Variants in SEPTIN6 observed in about 807,000 individuals in gnomAD.
SEPTIN6 encodes the protein septin-6.
SEPTIN6 carries 8 observed loss-of-function variants against 33.6 expected under a neutral mutation model. That is an observed-to-expected ratio of 0.24 (90% CI 0.14 to 0.43). SEPTIN6 has a LOEUF of 0.43. SEPTIN6 is among the 20% of genes least tolerant of loss of function. SEPTIN6 has a pLI of 1.00. For synonymous variants in SEPTIN6, 131 were observed against 140.0 expected (o/e 0.94, Z 0.45); for missense variants, 250 against 340.8 (o/e 0.73, Z 2.10).
chrX:119,652,027 G>A (rs2054359382), intron 4 of SEPTIN6, among the ~76,000 whole-genome samples: 1 of 112,072 alleles, frequency 8.9e-6, no homozygotes, highest in Admixed American at 9.5e-5. Context: ...AGGTTCAAGC[G>A]ATTCTCCTGC....
At chrX:119,671,724 G>A (rs1279742392) in intron 2 of SEPTIN6, among the ~76,000 whole-genome samples, 1 of 110,855 alleles carries the variant, frequency 9.0e-6, no homozygotes, top group Admixed American at 9.6e-5. Context: ...CTGTGATCAC[G>A]CCACAGCACT....
Position 119,663,541 on chromosome X carries a change from C to T in SEPTIN6, c.282G>A (p.Arg94=). ...CTGTGCTAACGATCGTGAGCTTTAG[C>T]CTCACGTTGCTCTCTTGGAGGTCAT... ...NTYDLQESNV[R]LKLTIVSTVG... is the part of the protein sequence containing the mutation. Residue 94 remains arginine (R), a synonymous_variant, in exon 3 of 11, where the codon AGG becomes AGA. Transcript: ENST00000394610. The T allele has an allele frequency of 8.4e-7, 1 of 1,194,483 alleles. No individual in the cohort carries two copies. The highest frequency in any genetic ancestry group is 1.1e-6 in the Non-Finnish European group (1 of 886,025).
chrX:119,652,920 G>A lies in SEPTIN6; in HGVS notation c.462C>T (p.Phe154=), dbSNP rs1006187321. Residue 154 remains phenylalanine, a synonymous_variant, in exon 4 of 11, where the codon TTC becomes TTT. Coordinates refer to ENST00000394610, the MANE Select transcript of SEPTIN6 (RefSeq NM_145799.4). The part of the protein sequence containing the change: ...HDSRIHVCLY[F]IAPTGHSLKS... ...TCAGGGAATGACCCGTGGGGGCAAT[G>A]AAATACAAGCAGACATGGATTCGGG... 6 of 1,207,764 alleles carry A rather than the reference G, an allele frequency of 5.0e-6. No homozygotes were observed. In the Admixed American group the frequency reaches 6.6e-5, roughly 13 times the overall value.
Position 119,618,741 on chromosome X carries a change from G to A in SEPTIN6, c.*1352C>T. The A allele has an allele frequency of 8.3e-7, 1 of 1,207,796 alleles. No homozygotes were observed. Among genetic ancestry groups the A allele is most frequent in the Middle Eastern group, 2.3e-4 (1 of 4,339 alleles). On this transcript the variant is annotated 3_prime_UTR_variant, in exon 11 of 11. Coordinates refer to ENST00000394610, the MANE Select transcript of SEPTIN6 (RefSeq NM_145799.4). ...GGCTTAAAAGGCTAAATGGAGTCCA[G>A]TCCAGCTGTAGCGGGGAATACTATT...
At chrX:119,628,998 G>T in intron 9 of SEPTIN6, 1 of 217,188 alleles carries the variant, frequency 4.6e-6, no homozygotes, top group Non-Finnish European at 8.4e-6. Flanking sequence ...CTTCCCTTCT[G>T]CTCTCTCACT....
At chrX:119,652,730 T>C (rs746202476) in intron 4 of SEPTIN6, 124 bp downstream of exon 4, 51 of 543,462 alleles carry the variant, frequency 9.4e-5, no homozygotes, top group Non-Finnish European at 1.4e-4. Flanking sequence ...ACCATCTTTA[T>C]GGAGGGACAG....
At chrX:119,624,300 C>T (rs12839548) in intron 10 of SEPTIN6, among the ~76,000 whole-genome samples, 1,331 of 107,910 alleles carry the variant, frequency 0.012, 26 homozygotes, top group African/African-American at 0.043. Context: ...CTCAGCCTCC[C>T]GAGTAGCTGG....
intron 5 of SEPTIN6, among the ~76,000 whole-genome samples, chrX:119,647,814 T>C (rs1307037083): frequency 9.3e-6 from 1 of 107,732 alleles, no homozygotes; most frequent in Non-Finnish European, 1.9e-5. Flanking sequence ...CCACCATGCC[T>C]GGCTAATTTT....
At chrX:119,649,386 G>A (rs1175547777) in intron 5 of SEPTIN6, among the ~76,000 whole-genome samples, 10 of 105,558 alleles carry the variant, frequency 9.5e-5, no homozygotes, top group Admixed American at 7.3e-4. Context: ...GAGACACCAT[G>A]CCCAGCCAAC....
At chrX:119,652,828 A>C (rs2054372060) in intron 4 of SEPTIN6, 26 bp downstream of exon 4, 1 of 1,188,316 alleles carries the variant, frequency 8.4e-7, no homozygotes, top group Non-Finnish European at 1.1e-6. Context: ...GTGAGCCCCC[A>C]GCGCCCCCGC....
At chrX:119,677,288 G>A (rs1232528181) in intron 1 of SEPTIN6, among the ~76,000 whole-genome samples, 2 of 112,235 alleles carry the variant, frequency 1.8e-5, no homozygotes, top group Non-Finnish European at 3.8e-5. Flanking sequence ...CAAAACAGGA[G>A]GAGACTCAAA....
chrX:119,674,226 T>G (rs895023267), intron 2 of SEPTIN6, among the ~76,000 whole-genome samples: 1 of 109,155 alleles, frequency 9.2e-6, no homozygotes, highest in Non-Finnish European at 1.9e-5. Flanking sequence ...CAGGCTGGAG[T>G]GCAGTGGCGC....
chrX:119,685,997 C>T (rs1358138888), intron 1 of SEPTIN6, among the ~76,000 whole-genome samples: 1 of 111,813 alleles, frequency 8.9e-6, no homozygotes, highest in Non-Finnish European at 1.9e-5. Flanking sequence ...TCAAATATCC[C>T]CACCTCAGGC....
Position 119,663,556 on chromosome X carries a change from T to C in SEPTIN6, c.267A>G (p.Gln89=). 1 of 1,206,977 alleles carries C rather than the reference T, an allele frequency of 8.3e-7. No individual in the cohort carries two copies. The highest frequency in any genetic ancestry group is 1.1e-6 in the Non-Finnish European group (1 of 893,116). Residue 89 remains glutamine (Q), a synonymous_variant, in exon 3 of 11, where the codon CAA becomes CAG. Coordinates refer to ENST00000394610, the MANE Select transcript of SEPTIN6 (RefSeq NM_145799.4). ...VQLQSNTYDL[Q]ESNVRLKLTI... ...TGAGCTTTAGCCTCACGTTGCTCTC[T>C]TGGAGGTCATAGGTATTAGACTGGA...
chrX:119,619,890 C>T lies in SEPTIN6; in HGVS notation c.*203G>A, dbSNP rs2053719807. On this transcript the variant is annotated 3_prime_UTR_variant, in exon 11 of 11. Coordinates refer to ENST00000394610, the MANE Select transcript of SEPTIN6 (RefSeq NM_145799.4). ...GACTGTTGGCTTCTTGACCAGCGGC[C>T]AGACATCACCCTCAGATTCTCAGGT... 1.8e-6 allele frequency: 2 copies of T among 1,098,531 alleles called. No individual in the cohort carries two copies. Among genetic ancestry groups the T allele is most frequent in the African/African-American group, 1.9e-5 (1 of 52,645 alleles). The allele number at this position is 1,098,531 out of a possible 1,213,427, so 90.5% of individuals were successfully genotyped here.
intron 1 of SEPTIN6, among the ~76,000 whole-genome samples, chrX:119,679,095 G>C: frequency 9.1e-6 from 1 of 109,941 alleles, no homozygotes; most frequent in Middle Eastern, 4.6e-3. Context: ...GCCCACCACC[G>C]CACCCGGCTA....
At chrX:119,661,218 G>A (rs2054536224) in intron 3 of SEPTIN6, among the ~76,000 whole-genome samples, 1 of 106,221 alleles carries the variant, frequency 9.4e-6, no homozygotes, top group African/African-American at 3.5e-5. Context: ...GAGGTCAGGA[G>A]ATTGAGACCA....
At chrX:119,634,014 G>A (rs780341441) in intron 7 of SEPTIN6, among the ~76,000 whole-genome samples, 1 of 112,023 alleles carries the variant, frequency 8.9e-6, no homozygotes, top group Non-Finnish European at 1.9e-5. Context: ...CATCATACCT[G>A]CCATCAAGGA....
chrX:119,690,338 T>TACACAC (rs1457561819), intron 1 of SEPTIN6, among the ~76,000 whole-genome samples: 5 of 67,356 alleles, frequency 7.4e-5, no homozygotes, highest in South Asian at 1.3e-3. Context: ...ACCCCCCACA[T>TACACAC]ACATACACAT....
Sources: allele counts gnomAD v4.1 joint callset (sites outside exome capture counted in the v4.1 genomes callset), GRCh38; gene constraint gnomAD v4.1.1; transcripts MANE v1.5; gene names NCBI Gene and HGNC (gene_info 2026-07-23, HGNC 2026-07-21).